Variants in ERG observed in about 807,000 individuals in gnomAD.
The protein encoded by ERG is transcriptional regulator ERG.
A neutral mutation model predicts 55.3 loss-of-function variants in ERG; 9 were observed. The ratio of observed to expected loss-of-function variants is 0.16; its 90% CI spans 0.10 to 0.28. ERG has a LOEUF of 0.28. Among genes scored for constraint, ERG ranks in the 10% least tolerant of loss-of-function variants. The pLI is 1.00. For synonymous variants in ERG, 223 were observed against 237.3 expected, an observed-to-expected ratio of 0.94 and a Z score of 0.55; for missense variants, 434 against 631.6, an observed-to-expected ratio of 0.69 and a Z score of 3.35.
intron 3 of ERG, among the ~76,000 whole-genome samples, chr21:38,421,875 G>A (rs1489489825): frequency 1.3e-5 from 2 of 152,064 alleles, no homozygotes; most frequent in Admixed American, 6.6e-5. Flanking sequence ...ATTTTGAGAC[G>A]GAGTCTTGCT....
At chr21:38,419,570 C>T (rs970678047) in intron 3 of ERG, among the ~76,000 whole-genome samples, 1 of 152,106 alleles carries the variant, frequency 6.6e-6, no homozygotes, top group African/African-American at 2.4e-5. Flanking sequence ...TCTCTCTGTT[C>T]AATTTTTACT....
At chr21:38,616,453 G>A (rs942423485) in intron 1 of ERG, among the ~76,000 whole-genome samples, 1 of 152,000 alleles carries the variant, frequency 6.6e-6, no homozygotes, top group African/African-American at 2.4e-5. Flanking sequence ...CTGAGACTCA[G>A]AAAAAAATGT....
At chr21:38,415,208 C>G (rs1378469423) in intron 3 of ERG, among the ~76,000 whole-genome samples, 1 of 152,126 alleles carries the variant, frequency 6.6e-6, no homozygotes, top group Non-Finnish European at 1.5e-5. Flanking sequence ...TTTGGCAACT[C>G]TCTTAGCGTT....
intron 3 of ERG, among the ~76,000 whole-genome samples, chr21:38,408,399 T>C (rs1047283120): frequency 6.6e-6 from 1 of 152,220 alleles, no homozygotes; most frequent in Non-Finnish European, 1.5e-5. Context: ...AGCACCTTCT[T>C]GTGCCCTCAC....
intron 1 of ERG, among the ~76,000 whole-genome samples, chr21:38,480,355 C>A (rs146201837): frequency 0.012 from 1,785 of 152,176 alleles, 39 homozygotes; most frequent in African/African-American, 0.042. Context: ...TTGCAGGCAA[C>A]CCCCGGAGCT....
chr21:38,397,652 A>T (rs1339972392), intron 6 of ERG, among the ~76,000 whole-genome samples: 1 of 150,326 alleles, frequency 6.7e-6, no homozygotes, highest in African/African-American at 2.4e-5. Flanking sequence ...AAGAAAAGGT[A>T]GGTTGGGGCA....
At chr21:38,611,095 C>A (rs1320464455) in intron 1 of ERG, among the ~76,000 whole-genome samples, 1 of 152,154 alleles carries the variant, frequency 6.6e-6, no homozygotes, top group Non-Finnish European at 1.5e-5. Context: ...TCACCCTTGG[C>A]TCACTTCTTC....
chr21:38,621,060 A>C (rs2060287216), intron 1 of ERG, among the ~76,000 whole-genome samples: 1 of 152,226 alleles, frequency 6.6e-6, no homozygotes, highest in African/African-American at 2.4e-5. Context: ...ACGTCAAGTA[A>C]AATTTTGGAT....
At chr21:38,370,280 A>C in the ERG span, among the ~76,000 whole-genome samples, 1 of 151,912 alleles carries the variant, frequency 6.6e-6, no homozygotes, top group African/African-American at 2.4e-5. Context: ...CATATTTCCC[A>C]CCGTTTTTAC....
chr21:38,474,758 T>G (rs1214080196), intron 1 of ERG, among the ~76,000 whole-genome samples: 5 of 152,174 alleles, frequency 3.3e-5, no homozygotes. Context: ...TGTTCGTTAT[T>G]TTTTGGAGAA....
At chr21:38,474,497 G>A (rs190019653) in intron 1 of ERG, among the ~76,000 whole-genome samples, 52 of 152,328 alleles carry the variant, frequency 3.4e-4, no homozygotes, top group African/African-American at 8.2e-4. Context: ...CAGAGGTGCT[G>A]CACCAAAGGC....
intron 1 of ERG, among the ~76,000 whole-genome samples, chr21:38,629,063 GCA>G (rs2060341859): frequency 6.6e-6 from 1 of 152,162 alleles, no homozygotes; most frequent in African/African-American, 2.4e-5. Context: ...AGAGTTTCCT[GCA>G]CAGACTGTAC....
At chr21:38,393,606 A>G (rs917642334) in intron 6 of ERG, among the ~76,000 whole-genome samples, 2 of 152,182 alleles carry the variant, frequency 1.3e-5, no homozygotes, top group African/African-American at 4.8e-5. Context: ...AAATATTTTA[A>G]TTTTGTTTAA....
chr21:38,441,647 T>C (rs1257637401), intron 2 of ERG, among the ~76,000 whole-genome samples: 1 of 152,224 alleles, frequency 6.6e-6, no homozygotes, highest in Non-Finnish European at 1.5e-5. Flanking sequence ...TGTATCTTTC[T>C]CTTCTACAAA....
intron 1 of ERG, among the ~76,000 whole-genome samples, chr21:38,584,459 A>G (rs992148985): frequency 1.3e-5 from 2 of 152,264 alleles, no homozygotes; most frequent in African/African-American, 4.8e-5. Flanking sequence ...GTATGATAGA[A>G]AAATGGAAAT....
At chr21:38,649,718 C>A (rs2060477459) in intron 1 of ERG, among the ~76,000 whole-genome samples, 1 of 152,182 alleles carries the variant, frequency 6.6e-6, no homozygotes, top group African/African-American at 2.4e-5. Flanking sequence ...TTTCAGTTAC[C>A]CCTAAAGGGC....
chr21:38,635,163 G>C (rs1008408309), intron 1 of ERG, among the ~76,000 whole-genome samples: 2 of 152,178 alleles, frequency 1.3e-5, no homozygotes, highest in Non-Finnish European at 2.9e-5. Context: ...AATAGGGAGA[G>C]CCCGGGGCAT....
At chr21:38,582,300 G>A (rs1351693280) in intron 1 of ERG, among the ~76,000 whole-genome samples, 1 of 152,204 alleles carries the variant, frequency 6.6e-6, no homozygotes. Flanking sequence ...GGCATCTGAA[G>A]TGAGGACGGT....
chr21:38,467,463 T>C (rs2059101160), intron 1 of ERG, among the ~76,000 whole-genome samples: 1 of 152,032 alleles, frequency 6.6e-6, no homozygotes, highest in Non-Finnish European at 1.5e-5. Context: ...AAGTTATGTG[T>C]GGTGGGGCTA....
Sources: gnomAD v4.1 joint callset for allele counts (sites outside exome capture counted in the v4.1 genomes callset) on GRCh38, gnomAD v4.1.1 for gene constraint, MANE v1.5 for transcripts, NCBI Gene and HGNC (gene_info 2026-07-23, HGNC 2026-07-21) for gene names.